JARID2: variants seen among roughly 807,000 people sequenced by gnomAD.
JARID2 encodes jumonji and AT-rich interaction domain containing 2, also known as protein Jumonji.
Under a neutral mutation model 125.6 loss-of-function variants are expected in JARID2, and 21 were observed. The ratio of observed to expected loss-of-function variants is 0.17; its 90% confidence interval spans 0.12 to 0.24. The LOEUF (loss-of-function observed/expected upper bound fraction) is 0.24. Among genes scored for constraint, JARID2 ranks in the 10% least tolerant of loss-of-function variants. The pLI is 1.00. For synonymous variants in JARID2, 736 were observed against 661.6 expected (o/e 1.11, Z -1.73); for missense variants, 1,303 against 1,639.6 (o/e 0.79, Z 3.55).
chr6:15,479,248 C>T (rs1406612071), intron 5 of JARID2, among the ~76,000 whole-genome samples: 1 of 152,212 alleles, frequency 6.6e-6, no homozygotes, highest in Admixed American at 6.5e-5. Flanking sequence ...CTTTCCTCAG[C>T]ACTTTTGGGG....
chr6:15,486,506 AC>A (rs1769870626), intron 5 of JARID2, among the ~76,000 whole-genome samples: 1 of 152,160 alleles, frequency 6.6e-6, no homozygotes, highest in Non-Finnish European at 1.5e-5. Flanking sequence ...CCAGGCACGT[AC>A]CCCCTCCATC....
intron 1 of JARID2, among the ~76,000 whole-genome samples, chr6:15,287,160 CAAAA>C (rs1561771324): frequency 1.3e-5 from 2 of 151,924 alleles, no homozygotes; most frequent in East Asian, 1.9e-4. Context: ...AACAAACAAA[CAAAA>C]AAACCCCTCT....
intron 3 of JARID2, among the ~76,000 whole-genome samples, chr6:15,449,233 T>G (rs773380764): frequency 6.6e-6 from 1 of 152,182 alleles, no homozygotes; most frequent in Non-Finnish European, 1.5e-5. Flanking sequence ...CATTGCCTGA[T>G]CCCACCCTCC....
rs1770900710 is a variant in JARID2 at position 15,504,522 on chromosome 6, C to G, written c.2471C>G (p.Thr824Ser). ...IYKGRSVSLT[T>S]FYRTARNIMS... is the part of the protein sequence containing the mutation. ...CAGGGAAGGTCTGTTTCTCTAACAA[C>G]TTTTTATCGAACAGCGAGGAATATC... Residue 824 changes from threonine to serine, a missense_variant, in exon 9 of 18, where the codon ACT becomes AGT. Coordinates refer to ENST00000341776, the MANE Select transcript of JARID2 (RefSeq NM_004973.4). 1 of 1,613,864 alleles carries G rather than the reference C, an allele frequency of 6.2e-7. No homozygotes were observed. The highest frequency in any genetic ancestry group is 8.5e-7 in the Non-Finnish European group (1 of 1,179,754).
chr6:15,332,689 TTGTTGCAAGACCTGA>T (rs1762746947), intron 1 of JARID2, among the ~76,000 whole-genome samples: 1 of 152,132 alleles, frequency 6.6e-6, no homozygotes, highest in African/African-American at 2.4e-5. Context: ...GCCTTCTAAG[TTGTTGCAAGACCTGA>T]ACAGTTCACT....
At chr6:15,450,474 T>C (rs575559487) in intron 3 of JARID2, among the ~76,000 whole-genome samples, 9 of 152,258 alleles carry the variant, frequency 5.9e-5, no homozygotes, top group East Asian at 1.9e-4. Flanking sequence ...CCGGCACTTA[T>C]TTAGTTTTAT....
Position 15,520,689 on chromosome 6 carries a change from G to GCACACACA in JARID2, c.*448_*455dup, listed in dbSNP as rs112303618. On this transcript the variant is annotated 3_prime_UTR_variant, in exon 18 of 18. Coordinates refer to ENST00000341776, the MANE Select transcript of JARID2 (RefSeq NM_004973.4). Reference sequence around the variant, plus strand: ...TTTAGAAGGGATAGGAGACACACGCGCACACACACACACACACGAAACTTG... The same window carrying GCACACACA: ...TTTAGAAGGGATAGGAGACACACGCGCACACACACACACACACACACACACGAAACTTG... 5.1e-6 allele frequency: 2 copies of GCACACACA among 391,928 alleles called. No homozygotes were observed. Among genetic ancestry groups the GCACACACA allele is most frequent in the South Asian group, 1.9e-5 (1 of 53,650 alleles). The allele number at this position is 391,928 out of a possible 1,614,324, so 24.3% of individuals were successfully genotyped here. A position where few individuals can be genotyped will look rare whatever the true frequency, so the allele number is the denominator to read the frequency against.
chr6:15,275,724 CTA>C (rs1760479587), intron 1 of JARID2, among the ~76,000 whole-genome samples: 1 of 152,064 alleles, frequency 6.6e-6, no homozygotes, highest in African/African-American at 2.4e-5. Context: ...CCTTGCCTCT[CTA>C]GTGGGGAAAA....
intron 1 of JARID2, among the ~76,000 whole-genome samples, chr6:15,301,929 C>T (rs978191367): frequency 1.3e-5 from 2 of 152,132 alleles, no homozygotes; most frequent in Non-Finnish European, 2.9e-5. Flanking sequence ...GTGAATTTTA[C>T]GTTGGTATGT....
At chr6:15,288,905 A>G (rs1244863217) in intron 1 of JARID2, among the ~76,000 whole-genome samples, 1 of 152,224 alleles carries the variant, frequency 6.6e-6, no homozygotes, top group Non-Finnish European at 1.5e-5. Flanking sequence ...GCAGCTAGTA[A>G]GCTCTGGTAC....
intron 3 of JARID2, among the ~76,000 whole-genome samples, chr6:15,413,743 A>G (rs1007695160): frequency 6.6e-6 from 1 of 152,134 alleles, no homozygotes; most frequent in Non-Finnish European, 1.5e-5. Context: ...AGTAGCTGGG[A>G]CTACAGTCAG....
chr6:15,357,667 T>C (rs1053664972), intron 1 of JARID2, among the ~76,000 whole-genome samples: 2 of 152,146 alleles, frequency 1.3e-5, no homozygotes, highest in Non-Finnish European at 2.9e-5. Flanking sequence ...GGGGAGATAA[T>C]CAAAATATAG....
chr6:15,381,649 T>C (rs1027436489), intron 2 of JARID2, among the ~76,000 whole-genome samples: 6 of 152,232 alleles, frequency 3.9e-5, no homozygotes, highest in Non-Finnish European at 8.8e-5. Flanking sequence ...TTGGGCTCTT[T>C]GTCTTTCAGC....
At chr6:15,487,755 G>C (rs1351759893) in intron 6 of JARID2, among the ~76,000 whole-genome samples, 3 of 152,166 alleles carry the variant, frequency 2.0e-5, no homozygotes, top group Non-Finnish European at 4.4e-5. Flanking sequence ...ATTCATCCCT[G>C]GGTGCCACTG....
chr6:15,342,633 C>T lies in JARID2; in HGVS notation c.46-31484C>T, dbSNP rs60483036. Reference sequence around the variant, plus strand: ...GTGAATTGCTTATTCAGAATATACACATTTTTAATGGGGGGTATTCTATTA... The same window carrying T: ...GTGAATTGCTTATTCAGAATATACATATTTTTAATGGGGGGTATTCTATTA... On this transcript the variant is annotated intron_variant, in intron 1 of 17. Transcript: ENST00000341776. Among the ~76,000 whole-genome samples the T allele has an allele frequency of 3.3e-3, 508 of 152,254 alleles. 1 individual carries two copies. Among genetic ancestry groups the T allele is most frequent in the African/African-American group, 0.012 (481 of 41,544 alleles).
chr6:15,353,419 T>C (rs1464834593), intron 1 of JARID2, among the ~76,000 whole-genome samples: 1 of 152,254 alleles, frequency 6.6e-6, no homozygotes, highest in Non-Finnish European at 1.5e-5. Flanking sequence ...TACTTAAATT[T>C]CTACTTAAAT....
intron 5 of JARID2, among the ~76,000 whole-genome samples, chr6:15,469,620 G>GT (rs1157117459): frequency 6.6e-6 from 1 of 150,820 alleles, no homozygotes; most frequent in Non-Finnish European, 1.5e-5. Context: ...CAGCCGCCTA[G>GT]TGGTTTTTCA....
intron 6 of JARID2, among the ~76,000 whole-genome samples, chr6:15,489,116 A>C (rs1275126121): frequency 1.3e-5 from 2 of 152,232 alleles, no homozygotes; most frequent in African/African-American, 4.8e-5. Flanking sequence ...CCAGGGAGAA[A>C]GACAGAAAGA....
chr6:15,294,321 C>T (rs534949159), intron 1 of JARID2, among the ~76,000 whole-genome samples: 3 of 152,218 alleles, frequency 2.0e-5, no homozygotes, highest in African/African-American at 7.2e-5. Context: ...GCCTCCCGAG[C>T]AGCTGGGACT....
Sources: gnomAD v4.1 joint callset for allele counts (sites outside exome capture counted in the v4.1 genomes callset) on GRCh38, gnomAD v4.1.1 for gene constraint, MANE v1.5 for transcripts, NCBI Gene and HGNC (gene_info 2026-07-23, HGNC 2026-07-21) for gene names.